The following DNAH17 variants were observed in gnomAD, a reference collection of about 807,000 sequenced individuals.
DNAH17 encodes dynein axonemal heavy chain 17, also known as axonemal beta dynein heavy chain 17.
In DNAH17, 376 loss-of-function variants were observed where a neutral mutation model predicts 485.6. That is an observed-to-expected ratio of 0.77 (90% CI 0.71 to 0.84). DNAH17 has a LOEUF of 0.84. Among genes scored for constraint, DNAH17 ranks in the 40% least tolerant of loss-of-function variants. The probability of loss-of-function intolerance (pLI) is 0.00; values close to 1 mark genes in which losing one functional copy is unlikely to be tolerated. For missense variants in DNAH17, 6,370 were observed against 5,839.3 expected (o/e 1.09, Z -2.96); for synonymous variants, 3,031 against 2,405.9 (o/e 1.26, Z -7.60).
chr17:78,541,455 C>T (rs1240348789), intron 17 of DNAH17, among the ~76,000 whole-genome samples: 2 of 151,438 alleles, frequency 1.3e-5, no homozygotes, highest in African/African-American at 4.9e-5. Context: ...TATAGGGAAA[C>T]TCAAAGATTA....
chr17:78,428,220 CAGCT>C, intron 77 of DNAH17: 1 of 441,050 alleles, frequency 2.3e-6, no homozygotes, highest in Non-Finnish European at 4.2e-6. Flanking sequence ...TCCTGGCGCT[CAGCT>C]AGGGAAGCTG....
chr17:78,562,120 C>A, intron 11 of DNAH17, 140 bp from the exon 12 acceptor site: 4 of 1,063,718 alleles, frequency 3.8e-6, no homozygotes, highest in South Asian at 3.8e-5. Context: ...TCCACTGGAA[C>A]CTTTGTGTGT....
At chr17:78,572,071 T>C (rs188820247) in intron 3 of DNAH17, among the ~76,000 whole-genome samples, 2 of 152,160 alleles carry the variant, frequency 1.3e-5, no homozygotes, top group Admixed American at 1.3e-4. Context: ...ATTTAAACCC[T>C]ATTCAAGATG....
intron 51 of DNAH17, 141 bp downstream of exon 51, chr17:78,478,884 A>G (rs1480290612): frequency 3.7e-5 from 25 of 684,142 alleles, no homozygotes; most frequent in Non-Finnish European, 6.0e-5. Context: ...TACCATCACC[A>G]CCATTATTAT....
Position 78,490,796 on chromosome 17 carries a change from G to A in DNAH17, c.6721C>T (p.Leu2241=), listed in dbSNP as rs760428810. ...ERIPLNRTMR[L]VFEISHLRTA... is the part of the protein sequence containing the mutation. Reference sequence around the variant, plus strand: ...CTCAGGTGGCTGATTTCGAACACCAGCCTCATGGTGCGGTTCAGGGGGATC... The same window carrying A: ...CTCAGGTGGCTGATTTCGAACACCAACCTCATGGTGCGGTTCAGGGGGATC... Residue 2241 remains leucine, a synonymous_variant, in exon 44 of 81, where the codon CTG becomes TTG. Transcript: ENST00000389840. 6 of 1,604,274 alleles carry A rather than the reference G, an allele frequency of 3.7e-6. No homozygotes were observed. Among genetic ancestry groups the A allele is most frequent in the East Asian group, 2.2e-5 (1 of 44,478 alleles).
intron 56 of DNAH17, among the ~76,000 whole-genome samples, chr17:78,465,156 C>T (rs1199900718): frequency 2.0e-5 from 3 of 152,218 alleles, no homozygotes; most frequent in Non-Finnish European, 2.9e-5. Context: ...AGTCTCCAGC[C>T]CCTAACCGCA....
At chr17:78,442,278 C>T (rs1056508541) in intron 71 of DNAH17, among the ~76,000 whole-genome samples, 1 of 152,186 alleles carries the variant, frequency 6.6e-6, no homozygotes, top group East Asian at 1.9e-4. Flanking sequence ...CTGGTTCAAC[C>T]AGCAATCAGC....
intron 42 of DNAH17, among the ~76,000 whole-genome samples, chr17:78,492,341 G>T (rs376147884): frequency 6.6e-6 from 1 of 152,090 alleles, no homozygotes; most frequent in African/African-American, 2.4e-5. Flanking sequence ...CACTCCTCAC[G>T]GGTCACACCT....
chr17:78,499,459 G>T (rs1345932769), intron 36 of DNAH17: 4 of 165,114 alleles, frequency 2.4e-5, no homozygotes, highest in Non-Finnish European at 3.9e-5. Context: ...AGGAGAGGGA[G>T]TCCTCTAAGG....
chr17:78,510,262 C>T (rs1213455033), intron 27 of DNAH17, 122 bp downstream of exon 27: 3 of 1,418,114 alleles, frequency 2.1e-6, no homozygotes, highest in Admixed American at 4.3e-5. Flanking sequence ...GTAAGAAAGG[C>T]CCGCCAGACT....
In DNAH17 at chr17:78,513,283, A is replaced by G. The variant is rs145789711; in HGVS notation, c.4113+1491T>C. On this transcript the variant is annotated intron_variant, in intron 26 of 80. Transcript: ENST00000389840. ...GACCAAACAGAATGTTTGTAGCAAC[A>G]TGATACAACACATGACAGATAGCAG... Among the ~76,000 whole-genome samples the G allele has an allele frequency of 5.3e-5, 8 of 152,290 alleles. 1 individual carries two copies. The Middle Eastern group carries it at 0.01, about 194-fold the overall frequency.
intron 48 of DNAH17, among the ~76,000 whole-genome samples, chr17:78,481,641 G>A (rs1375985315): frequency 6.6e-6 from 1 of 152,196 alleles, no homozygotes; most frequent in Non-Finnish European, 1.5e-5. Context: ...ACTGGGAAGA[G>A]TACCTGACAT....
At chr17:78,554,031 G>A (rs1297094498) in intron 14 of DNAH17, among the ~76,000 whole-genome samples, 1 of 152,066 alleles carries the variant, frequency 6.6e-6, no homozygotes, top group South Asian at 2.1e-4. Flanking sequence ...CTGAGCTCCA[G>A]CCATCTTCCC....
chr17:78,431,519 C>G (rs963658502), intron 75 of DNAH17, among the ~76,000 whole-genome samples: 3 of 151,050 alleles, frequency 2.0e-5, no homozygotes, highest in African/African-American at 7.3e-5. Flanking sequence ...GCAGGTTGCT[C>G]TGTGTTTCAA....
chr17:78,530,600 ACTGCACCTGCG>A, intron 20 of DNAH17, 88 bp from the exon 21 acceptor site: 1 of 1,422,150 alleles, frequency 7.0e-7, no homozygotes, highest in Non-Finnish European at 9.3e-7. Flanking sequence ...GCCTTCCTGC[ACTGCACCTGCG>A]CTGCTCACCT....
rs187918621 is a variant in DNAH17 at position 78,518,795 on chromosome 17, A to C, written c.3865-3773T>G. Among the ~76,000 whole-genome samples, 690 of 152,334 alleles carry C rather than the reference A, an allele frequency of 4.5e-3. 2 individuals carry two copies. The highest frequency in any genetic ancestry group is 0.016 in the African/African-American group (657 of 41,580). On this transcript the variant is annotated intron_variant, in intron 25 of 80. Transcript: ENST00000389840. ...ATTTAAAATAATGAAAGTTATATAC[A>C]GTGTGTTCTTTGACCATAATGGAAT...
In DNAH17 at chr17:78,477,924, C is replaced by T. The variant is rs967426037; in HGVS notation, c.7992+1101G>A. ...CATCATCATTACCACATCACCATCA[C>T]CACCATCATCACCACCATCACCATT... is the stretch of plus-strand genomic sequence containing the variant. On this transcript the variant is annotated intron_variant, in intron 51 of 80. Transcript: ENST00000389840. 6.7e-5 allele frequency among the ~76,000 whole-genome samples: 10 copies of T among 148,884 alleles called. No homozygotes were observed. In the South Asian group the frequency reaches 8.5e-4, roughly 13 times the overall value.
intron 48 of DNAH17, 32 bp from the exon 49 acceptor site, chr17:78,480,818 C>A (rs145843719): frequency 3.2e-6 from 5 of 1,548,968 alleles, no homozygotes; most frequent in African/African-American, 1.4e-5. Context: ...CATGTTGTGC[C>A]CCTGGCCTGG....
In DNAH17 at chr17:78,530,529, C is replaced by T. The variant is rs1452144046; in HGVS notation, c.3115-17G>A. 1.9e-6 allele frequency: 3 copies of T among 1,593,536 alleles called. No homozygotes were observed. Among genetic ancestry groups the T allele is most frequent in the African/African-American group, 1.3e-5 (1 of 74,628 alleles). On this transcript the variant is annotated splice_polypyrimidine_tract_variant and intron_variant, in intron 20 of 80. Transcript: ENST00000389840. ...GGAGTCGATCTGGAAAACACGGCCA[C>T]CGGCGGCCTGTCATAGCCTGCAAGC...
Sources: allele counts gnomAD v4.1 joint callset (sites outside exome capture counted in the v4.1 genomes callset), GRCh38; gene constraint gnomAD v4.1.1; transcripts MANE v1.5; gene names NCBI Gene and HGNC (gene_info 2026-07-23, HGNC 2026-07-21).